The following C3orf49 variants were observed in gnomAD, a reference collection of about 807,000 sequenced individuals.
C3orf49 encodes the protein putative uncharacterized protein C3orf49.
Under a neutral mutation model 13.3 loss-of-function variants are expected in C3orf49, and 27 were observed. That is an observed-to-expected ratio of 2.02 (90% CI 1.49 to 2.79). C3orf49 has a LOEUF of 2.79. C3orf49 is among the 30% of genes most tolerant of loss of function. The pLI, the probability that C3orf49 is intolerant of heterozygous loss-of-function variation, is 0.00. For missense variants in C3orf49, 242 were observed against 134.2 expected (o/e 1.80, Z -3.97); for synonymous variants, 87 against 47.6 (o/e 1.83, Z -3.40).
chr3:63,843,055 G>A (rs1219391214), intron 5 of C3orf49, among the ~76,000 whole-genome samples: 4 of 151,856 alleles, frequency 2.6e-5, no homozygotes, highest in Admixed American at 2.6e-4. Context: ...CCCAAGTGCT[G>A]GAATTACAGG....
chr3:63,813,039 CCTCCACAGAA>C, the C3orf49 span, among the ~76,000 whole-genome samples: 7 of 152,142 alleles, frequency 4.6e-5, no homozygotes, highest in African/African-American at 7.2e-5. Flanking sequence ...GCACATCCTG[CCTCCACAGAA>C]CTCCACAGTA....
intron 2 of C3orf49, among the ~76,000 whole-genome samples, chr3:63,824,232 A>AT (rs1701438536): frequency 6.6e-6 from 1 of 152,104 alleles, no homozygotes; most frequent in African/African-American, 2.4e-5. Context: ...ATATATATTT[A>AT]TTGGAAAATC....
At chr3:63,789,270 T>C in the C3orf49 span, among the ~76,000 whole-genome samples, 1 of 152,128 alleles carries the variant, frequency 6.6e-6, no homozygotes, top group Admixed American at 6.6e-5. Flanking sequence ...AACAGTTTCA[T>C]CCTAAAACCA....
chr3:63,821,311 C>A (rs1701391095), intron 1 of C3orf49, among the ~76,000 whole-genome samples: 1 of 152,060 alleles, frequency 6.6e-6, no homozygotes, highest in African/African-American at 2.4e-5. Flanking sequence ...GAGAGTAGTA[C>A]ATATGCTACT....
At position 63,845,713 on chromosome 3, in the gene C3orf49, C is replaced by A. The variant is rs1701877692; in HGVS notation, c.*30+631C>A. On this transcript the variant is annotated intron_variant, in intron 6 of 6. Transcript: ENST00000295896. Reference sequence around the variant, plus strand: ...TTAGCTAAGTTGGTCAAGGCGATCTCAAAGCCAAAGCCATTTTGGCTTTGG... The same window carrying A: ...TTAGCTAAGTTGGTCAAGGCGATCTAAAAGCCAAAGCCATTTTGGCTTTGG... Among the ~76,000 whole-genome samples the A allele has an allele frequency of 2.0e-5, 3 of 152,138 alleles. No individual in the cohort carries two copies. The South Asian group carries it at 6.2e-4, about 32-fold the overall frequency.
chr3:63,841,281 C>T (rs977121574), intron 5 of C3orf49, among the ~76,000 whole-genome samples: 1 of 152,148 alleles, frequency 6.6e-6, no homozygotes, highest in African/African-American at 2.4e-5. Flanking sequence ...CCACAAGAAA[C>T]TTGTAATAGC....
intron 5 of C3orf49, among the ~76,000 whole-genome samples, chr3:63,835,984 G>A (rs1437071625): frequency 6.6e-6 from 1 of 151,914 alleles, no homozygotes; most frequent in African/African-American, 2.4e-5. Flanking sequence ...CACTGATTAT[G>A]TTTTGAGAGC....
the C3orf49 span, chr3:63,779,951 G>T: frequency 6.6e-6 from 1 of 152,120 alleles, no homozygotes; most frequent in Non-Finnish European, 1.5e-5. Flanking sequence ...CATCCAGTGT[G>T]ATGTCAACTT....
chr3:63,838,565 T>C, intron 5 of C3orf49: 1 of 1,436,378 alleles, frequency 7.0e-7, no homozygotes, highest in Non-Finnish European at 9.4e-7. Context: ...ACTGTTATAA[T>C]GCAGACAAAT....
the C3orf49 span, among the ~76,000 whole-genome samples, chr3:63,790,906 T>C: frequency 6.6e-6 from 1 of 152,268 alleles, no homozygotes; most frequent in East Asian, 1.9e-4. Flanking sequence ...AAAAGTGTGA[T>C]TGCAAAGTCC....
the C3orf49 span, chr3:63,783,231 A>G: frequency 2.0e-5 from 3 of 152,180 alleles, no homozygotes; most frequent in East Asian, 3.8e-4. Context: ...GAAATGTACT[A>G]TTAAGACCAA....
chr3:63,788,274 T>C, the C3orf49 span, among the ~76,000 whole-genome samples: 1 of 152,180 alleles, frequency 6.6e-6, no homozygotes, highest in African/African-American at 2.4e-5. Context: ...GATCCAAGAA[T>C]ACATAACTAG....
upstream of C3orf49, among the ~76,000 whole-genome samples, chr3:63,816,764 C>CTTTTTTT (rs757549553): frequency 1.6e-3 from 127 of 80,668 alleles, 1 homozygote; most frequent in African/African-American, 4.4e-3. Context: ...ATTTTCTTTT[C>CTTTTTTT]TTTTCTTTTT....
chr3:63,819,643 TTGGCATAG>T (rs1701369979), intron 1 of C3orf49, 47 bp downstream of exon 1: 2 of 702,108 alleles, frequency 2.8e-6, no homozygotes, highest in East Asian at 5.4e-5. Flanking sequence ...GTCTTTGGGT[TTGGCATAG>T]TGGCATGTCC....
chr3:63,784,217 G>C, the C3orf49 span, among the ~76,000 whole-genome samples: 1 of 152,180 alleles, frequency 6.6e-6, no homozygotes, highest in African/African-American at 2.4e-5. Flanking sequence ...AAAAAGGAAA[G>C]ATTTAGTTTT....
intron 5 of C3orf49, chr3:63,835,283 CAGAT>C (rs774042036): frequency 1.8e-4 from 295 of 1,610,518 alleles, no homozygotes; most frequent in East Asian, 4.0e-4. Flanking sequence ...TATAGACAGA[CAGAT>C]AGACAGATCA....
intron 3 of C3orf49, among the ~76,000 whole-genome samples, chr3:63,828,913 G>A (rs1701498453): frequency 6.6e-6 from 1 of 152,134 alleles, no homozygotes; most frequent in South Asian, 2.1e-4. Context: ...TAACTGTACT[G>A]TCCAATATGC....
chr3:63,800,673 G>A, the C3orf49 span, among the ~76,000 whole-genome samples: 11 of 152,074 alleles, frequency 7.2e-5, no homozygotes, highest in Admixed American at 5.2e-4. Context: ...CTGGCTCAAG[G>A]TCACATAGCT....
chr3:63,802,812 G>C, the C3orf49 span, among the ~76,000 whole-genome samples: 1 of 152,034 alleles, frequency 6.6e-6, no homozygotes, highest in South Asian at 2.1e-4. Flanking sequence ...AGCTGTGGTT[G>C]AAAACTAGGT....
Sources: allele counts gnomAD v4.1 joint callset (sites outside exome capture counted in the v4.1 genomes callset), GRCh38; gene constraint gnomAD v4.1.1; transcripts MANE v1.5; gene names NCBI Gene and HGNC (gene_info 2026-07-23, HGNC 2026-07-21).